The following SLC25A20 variants were observed in gnomAD, a reference collection of about 807,000 sequenced individuals.
The protein encoded by SLC25A20 is mitochondrial carnitine/acylcarnitine carrier protein.
A neutral mutation model predicts 39.7 loss-of-function variants in SLC25A20; 29 were observed. The ratio of observed to expected loss-of-function variants is 0.73; its 90% CI spans 0.54 to 1.00. The LOEUF (loss-of-function observed/expected upper bound fraction) is 1.00. Ranked by LOEUF, SLC25A20 falls within the 50% of genes least tolerant of loss-of-function variation. The pLI, the probability that SLC25A20 is intolerant of heterozygous loss-of-function variation, is 0.00. For missense variants in SLC25A20, 333 were observed against 379.9 expected (o/e 0.88, Z 1.03); for synonymous variants, 103 against 142.2 (o/e 0.72, Z 1.96).
intron 2 of SLC25A20, among the ~76,000 whole-genome samples, chr3:48,887,393 G>A (rs749762269): frequency 6.6e-5 from 10 of 152,106 alleles, no homozygotes; most frequent in Non-Finnish European, 1.0e-4. Flanking sequence ...CAAAGACTTG[G>A]GTTTATACAA....
intron 1 of SLC25A20, among the ~76,000 whole-genome samples, chr3:48,892,292 T>C (rs1317699924): frequency 6.6e-6 from 1 of 152,244 alleles, no homozygotes; most frequent in Non-Finnish European, 1.5e-5. Context: ...AATCACATTT[T>C]GTATGCCTGC....
rs1008185046 is a variant in SLC25A20 at position 48,882,691 on chromosome 3, C to T, written c.326+1306G>A. On this transcript the variant is annotated intron_variant, in intron 3 of 8. Transcript: ENST00000319017. ...TGGGCAAGATAATGAGAGCACCCCC[C>T]GCCGCCCCGACACACACACACCGAC... Among the ~76,000 whole-genome samples, 9 of 152,162 alleles carry T rather than the reference C, an allele frequency of 5.9e-5. No homozygotes were observed. In the East Asian group the frequency reaches 7.7e-4, roughly 13 times the overall value.
intron 4 of SLC25A20, among the ~76,000 whole-genome samples, chr3:48,873,338 C>T (rs927499076): frequency 7.9e-5 from 12 of 151,926 alleles, no homozygotes; most frequent in Non-Finnish European, 1.6e-4. Context: ...CGGCTGGGCG[C>T]AGTGGCTTAT....
intron 1 of SLC25A20, among the ~76,000 whole-genome samples, chr3:48,897,904 T>C (rs1019317734): frequency 3.9e-5 from 6 of 152,164 alleles, no homozygotes; most frequent in African/African-American, 1.4e-4. Context: ...CCATGGGGGA[T>C]GGACTTTGGT....
At chr3:48,869,042 C>A (rs1037685855) in intron 4 of SLC25A20, among the ~76,000 whole-genome samples, 11 of 152,154 alleles carry the variant, frequency 7.2e-5, no homozygotes, top group Admixed American at 3.9e-4. Flanking sequence ...AAAATGAGCA[C>A]CCCATCGTCA....
At chr3:48,879,509 A>G (rs2083784522) in intron 3 of SLC25A20, 61 bp from the exon 4 acceptor site, 1 of 1,095,472 alleles carries the variant, frequency 9.1e-7, no homozygotes, top group East Asian at 2.3e-5. Context: ...GACAGAGGCC[A>G]ATCCCAGCAA....
At chr3:48,874,954 C>A (rs1038167580) in intron 4 of SLC25A20, among the ~76,000 whole-genome samples, 2 of 147,216 alleles carry the variant, frequency 1.4e-5, no homozygotes, top group Non-Finnish European at 3.0e-5. Flanking sequence ...TGTAATCCCA[C>A]GGGAGGCTGA....
In SLC25A20 at chr3:48,859,137, C is replaced by T; in HGVS notation, c.673G>A (p.Ala225Thr). 1 of 1,614,042 alleles carries T rather than the reference C, an allele frequency of 6.2e-7. No individual in the cohort carries two copies. The highest frequency in any genetic ancestry group is 1.6e-4 in the Middle Eastern group (1 of 6,062). ...AGCACATCTGGGGGGATTGCCACAG[C>T]CCAGTTGAAGATCCCTGCAATGCCC... ...AGGIAGIFNW[A>T]VAIPPDVLKS... is the part of the protein sequence containing the mutation. Residue 225 changes from alanine to threonine, a missense_variant, in exon 7 of 9, where the codon GCT becomes ACT. Coordinates refer to ENST00000319017, the MANE Select transcript of SLC25A20 (RefSeq NM_000387.6).
chr3:48,859,723 G>A (rs1317074259), intron 5 of SLC25A20, 96 bp from the exon 6 acceptor site: 2 of 1,006,344 alleles, frequency 2.0e-6, no homozygotes, highest in Non-Finnish European at 3.2e-6. Flanking sequence ...GGAGATTGAG[G>A]CAGGGGGATT....
intron 2 of SLC25A20, 151 bp downstream of exon 2, chr3:48,891,829 C>T: frequency 1.3e-6 from 1 of 749,072 alleles, no homozygotes; most frequent in South Asian, 1.4e-5. Flanking sequence ...CAGATGACAA[C>T]AGGGGGGCAC....
At chr3:48,858,938 T>C (rs1182595678) in intron 7 of SLC25A20, among the ~76,000 whole-genome samples, 154 bp downstream of exon 7, 1 of 152,138 alleles carries the variant, frequency 6.6e-6, no homozygotes, top group Non-Finnish European at 1.5e-5. Flanking sequence ...GTTCCTAGAA[T>C]GCAAATGACT....
chr3:48,881,029 C>T (rs2083791873), intron 3 of SLC25A20, among the ~76,000 whole-genome samples: 1 of 152,188 alleles, frequency 6.6e-6, no homozygotes, highest in Admixed American at 6.6e-5. Context: ...CCCAAGCCTC[C>T]AACAACTGAG....
At chr3:48,875,449 A>G (rs952290954) in intron 4 of SLC25A20, among the ~76,000 whole-genome samples, 1 of 149,330 alleles carries the variant, frequency 6.7e-6, no homozygotes, top group African/African-American at 2.5e-5. Context: ...TCGCTTTGTC[A>G]CCCAGGCTAG....
intron 2 of SLC25A20, among the ~76,000 whole-genome samples, chr3:48,884,720 T>C (rs1449371377): frequency 6.6e-6 from 1 of 152,076 alleles, no homozygotes; most frequent in Non-Finnish European, 1.5e-5. Flanking sequence ...TTGCAAGGAA[T>C]TTATTCTAGG....
chr3:48,858,986 G>T (rs1312995531), intron 7 of SLC25A20, 106 bp downstream of exon 7: 1 of 870,162 alleles, frequency 1.1e-6, no homozygotes, highest in Non-Finnish European at 1.9e-6. Context: ...GCTAGGTGCT[G>T]CCATGGAGAG....
In SLC25A20 at chr3:48,871,843, G is replaced by T. The variant is rs1052406210; in HGVS notation, c.417+7515C>A. 2.0e-5 allele frequency among the ~76,000 whole-genome samples: 3 copies of T among 151,282 alleles called. No individual in the cohort carries two copies. The East Asian group carries it at 5.8e-4, about 29-fold the overall frequency. On this transcript the variant is annotated intron_variant, in intron 4 of 8. Transcript: ENST00000319017. ...TCCAATTGATTCGTTTTTTTGAGAC[G>T]GGGTCTCACTCCGTCACCCAGGGTT...
intron 5 of SLC25A20, among the ~76,000 whole-genome samples, chr3:48,860,873 G>A (rs1033708840): frequency 8.6e-5 from 12 of 138,930 alleles, no homozygotes; most frequent in Non-Finnish European, 1.5e-4. Flanking sequence ...TCGCTCTCTC[G>A]CCCAGGCTGG....
At chr3:48,871,982 ATTTTTTTTTTT>A (rs71077746) in intron 4 of SLC25A20, among the ~76,000 whole-genome samples, 2 of 56,670 alleles carry the variant, frequency 3.5e-5, no homozygotes, top group African/African-American at 6.7e-5. Context: ...TGCCCAGCTA[ATTTTTTTTTTT>A]TTTTTTTTTT....
chr3:48,871,122 G>A (rs577861092), intron 4 of SLC25A20, among the ~76,000 whole-genome samples: 6 of 151,948 alleles, frequency 3.9e-5, no homozygotes, highest in African/African-American at 1.2e-4. Flanking sequence ...CACCATGCCC[G>A]GCCAGAAATT....
Sources: gnomAD v4.1 joint callset for allele counts (sites outside exome capture counted in the v4.1 genomes callset) on GRCh38, gnomAD v4.1.1 for gene constraint, MANE v1.5 for transcripts, NCBI Gene and HGNC (gene_info 2026-07-23, HGNC 2026-07-21) for gene names.